Variants in CTNNA3 observed in about 807,000 individuals in gnomAD.
CTNNA3 encodes catenin alpha-3.
A neutral mutation model predicts 95.7 loss-of-function variants in CTNNA3; 76 were observed. The ratio of observed to expected loss-of-function variants is 0.79; its 90% CI spans 0.66 to 0.96. CTNNA3 has a LOEUF of 0.96. CTNNA3 is among the 40% of genes least tolerant of loss of function. The pLI is 0.00. For synonymous variants in CTNNA3, 431 were observed against 374.4 expected (o/e 1.15, Z -1.74); for missense variants, 1,191 against 1,089.8 (o/e 1.09, Z -1.31).
intron 5 of CTNNA3, among the ~76,000 whole-genome samples, chr10:67,402,534 C>T (rs1431649197): frequency 1.3e-5 from 2 of 152,162 alleles, no homozygotes; most frequent in African/African-American, 4.8e-5. Flanking sequence ...TCCAGGTTTT[C>T]GCACTGGGAC....
chr10:67,576,126 C>G (rs1350747751), intron 3 of CTNNA3, among the ~76,000 whole-genome samples: 1 of 152,162 alleles, frequency 6.6e-6, no homozygotes, highest in African/African-American at 2.4e-5. Context: ...AATCAGGGAG[C>G]AACCTTAAGT....
chr10:67,498,361 G>A (rs1839104493), intron 5 of CTNNA3, among the ~76,000 whole-genome samples: 1 of 152,188 alleles, frequency 6.6e-6, no homozygotes, highest in African/African-American at 2.4e-5. Context: ...TTGAAGTCAG[G>A]TAGTGTGGTG....
chr10:67,212,926 G>A (rs961509568), intron 6 of CTNNA3, among the ~76,000 whole-genome samples: 3 of 151,696 alleles, frequency 2.0e-5, no homozygotes, highest in Non-Finnish European at 3.0e-5. Context: ...GTGTAGCATC[G>A]TTTCACACTT....
intron 9 of CTNNA3, among the ~76,000 whole-genome samples, chr10:66,638,931 A>G (rs1845425297): frequency 6.6e-6 from 1 of 152,050 alleles, no homozygotes; most frequent in Non-Finnish European, 1.5e-5. Context: ...TAAATAAAAC[A>G]TAACAAACAA....
chr10:67,141,913 A>C (rs1214000763), intron 7 of CTNNA3, among the ~76,000 whole-genome samples: 1 of 152,136 alleles, frequency 6.6e-6, no homozygotes, highest in Non-Finnish European at 1.5e-5. Flanking sequence ...GCCAATTTAC[A>C]GTTTAATAAA....
At position 66,520,106 on chromosome 10, in the gene CTNNA3, C is replaced by A. The variant is rs186431901; in HGVS notation, c.1531+511G>T. On this transcript the variant is annotated intron_variant, in intron 11 of 17. Transcript: ENST00000433211. Reference sequence around the variant, plus strand: ...TAAATTGTTAAATTTAAAAAGATTACAAGAGGTCAGGCTCATAATCCCAGA... The same window carrying A: ...TAAATTGTTAAATTTAAAAAGATTAAAAGAGGTCAGGCTCATAATCCCAGA... 2.8e-3 allele frequency among the ~76,000 whole-genome samples: 425 copies of A among 151,992 alleles called. 2 individuals are homozygous for A. In the Middle Eastern group the frequency reaches 0.037, roughly 13 times the overall value.
chr10:67,131,195 GC>G (rs995744829), intron 7 of CTNNA3, among the ~76,000 whole-genome samples: 19 of 152,014 alleles, frequency 1.2e-4, no homozygotes, highest in African/African-American at 4.3e-4. Context: ...GCTCTAGGAA[GC>G]CTTTTCTGAG....
At chr10:67,356,947 G>T (rs181306006) in intron 5 of CTNNA3, among the ~76,000 whole-genome samples, 2 of 152,024 alleles carry the variant, frequency 1.3e-5, no homozygotes, top group Non-Finnish European at 2.9e-5. Context: ...AATCTTCAAT[G>T]GGGCTTCAGT....
intron 4 of CTNNA3, among the ~76,000 whole-genome samples, chr10:67,533,844 T>C (rs949084368): frequency 3.3e-5 from 5 of 152,096 alleles, no homozygotes; most frequent in African/African-American, 1.2e-4. Context: ...AGATACATGC[T>C]ATTAAAAGAG....
At position 65,921,161 on chromosome 10, in the gene CTNNA3, C is replaced by T. The variant is rs559850509; in HGVS notation, c.2401-544G>A. Among the ~76,000 whole-genome samples the T allele has an allele frequency of 1.3e-3, 203 of 152,230 alleles. 1 individual carries two copies. Among genetic ancestry groups the T allele is most frequent in the African/African-American group, 4.2e-3 (175 of 41,540 alleles). ...ATTGGACCAATTCTACAAATGTTTA[C>T]GGATAAAGGACTTGCTCTTAAAAAC... On this transcript the variant is annotated intron_variant, in intron 17 of 17. Transcript: ENST00000433211.
intron 1 of CTNNA3, among the ~76,000 whole-genome samples, chr10:67,732,370 T>C (rs1346916371): frequency 6.6e-6 from 1 of 152,190 alleles, no homozygotes; most frequent in African/African-American, 2.4e-5. Context: ...GAATAGGACA[T>C]AGTCTTATGA....
At chr10:66,990,495 A>T (rs984357694) in intron 7 of CTNNA3, among the ~76,000 whole-genome samples, 5 of 152,130 alleles carry the variant, frequency 3.3e-5, no homozygotes, top group Non-Finnish European at 7.3e-5. Flanking sequence ...ACCTATTTAG[A>T]TTTTTTTGTA....
chr10:67,451,025 A>T (rs2132961694), intron 5 of CTNNA3, among the ~76,000 whole-genome samples: 1 of 152,252 alleles, frequency 6.6e-6, no homozygotes, highest in Admixed American at 6.5e-5. Flanking sequence ...TAGGGCCTTT[A>T]TGAGGTAATT....
intron 5 of CTNNA3, among the ~76,000 whole-genome samples, chr10:67,512,516 G>C (rs1839668733): frequency 1.3e-5 from 2 of 152,138 alleles, no homozygotes; most frequent in Non-Finnish European, 2.9e-5. Flanking sequence ...TAAAGGTTTA[G>C]ACGACACGGG....
intron 7 of CTNNA3, among the ~76,000 whole-genome samples, chr10:67,140,611 G>A: frequency 6.6e-6 from 1 of 152,256 alleles, no homozygotes; most frequent in East Asian, 1.9e-4. Context: ...TTAAAAGACA[G>A]CTAAAATGTA....
At chr10:66,646,030 A>T (rs116992285) in intron 9 of CTNNA3, among the ~76,000 whole-genome samples, 5,856 of 152,176 alleles carry the variant, frequency 0.038, 162 homozygotes, top group Non-Finnish European at 0.06. Flanking sequence ...TTATTTAACT[A>T]TTTTTGCTAT....
intron 13 of CTNNA3, among the ~76,000 whole-genome samples, chr10:66,260,311 A>T (rs543810701): frequency 3.0e-4 from 46 of 152,184 alleles, no homozygotes; most frequent in African/African-American, 9.6e-4. Context: ...CCTCCAATCC[A>T]TTCATTCTCC....
At chr10:67,722,037 C>T (rs7074734) in intron 1 of CTNNA3, among the ~76,000 whole-genome samples, 45,408 of 151,862 alleles carry the variant, frequency 0.3, 7,375 homozygotes, top group East Asian at 0.52. Context: ...TTGGTCTTGC[C>T]GGGAGCTGCA....
intron 11 of CTNNA3, among the ~76,000 whole-genome samples, chr10:66,448,654 A>C (rs2093441388): frequency 6.6e-6 from 1 of 151,210 alleles, no homozygotes; most frequent in Admixed American, 6.6e-5. Context: ...AGGAAGGGGA[A>C]CATCACACTT....
Sources: gnomAD v4.1 joint callset for allele counts (sites outside exome capture counted in the v4.1 genomes callset) on GRCh38, gnomAD v4.1.1 for gene constraint, MANE v1.5 for transcripts, NCBI Gene and HGNC (gene_info 2026-07-23, HGNC 2026-07-21) for gene names.